TBC1D16: variants seen among roughly 807,000 people sequenced by gnomAD.
TBC1D16 encodes the protein CTD-2529O21.1.
In TBC1D16, 58 loss-of-function variants were observed where a neutral mutation model predicts 74.7. That is an observed-to-expected ratio of 0.78 (90% CI 0.63 to 0.97). The LOEUF is 0.97. Ranked by LOEUF, TBC1D16 falls within the 50% of genes least tolerant of loss-of-function variation. The pLI, the probability that TBC1D16 is intolerant of heterozygous loss-of-function variation, is 0.00. For missense variants in TBC1D16, 1,014 were observed against 1,079.5 expected, an observed-to-expected ratio of 0.94 and a Z score of 0.85; for synonymous variants, 493 against 474.7, an observed-to-expected ratio of 1.04 and a Z score of -0.50.
In TBC1D16 at chr17:79,942,205, G is replaced by A. The variant is rs368445644; in HGVS notation, c.1910C>T (p.Thr637Met). ...GCAGATGAAAAGGTGGAAGTAGTCC[G>A]TCTGTGGAGGCGGGTAGAGTTCAGA... is the stretch of plus-strand genomic sequence containing the variant. Reference protein sequence around the residue: ...IWEACWAHYQTDYFHLFICVA... With the variant: ...IWEACWAHYQMDYFHLFICVA... The change falls in exon 11 of 12, where the codon ACG (threonine) becomes ATG (methionine). Residue 637 changes from threonine to methionine, a missense_variant and splice_region_variant. Physicochemically the swap from Thr to Met is moderately conservative, Grantham distance 81. Transcript: ENST00000310924. 24 of 1,595,576 alleles carry A rather than the reference G, an allele frequency of 1.5e-5. No homozygotes were observed. Among genetic ancestry groups the A allele is most frequent in the Middle Eastern group, 1.7e-4 (1 of 6,054 alleles).
chr17:79,981,410 A>G lies in TBC1D16; in HGVS notation c.780-28592T>C, dbSNP rs2034574846. On this transcript the variant is annotated intron_variant, in intron 3 of 11. Coordinates refer to ENST00000310924, the MANE Select transcript of TBC1D16 (RefSeq NM_019020.4). The surrounding 1 kb of genome is among the most constrained non-coding windows in gnomAD (Gnocchi z 6.9). Reference sequence around the variant, plus strand: ...AGGCCTCGGGCCTCCACCTCCAGCAATCCTCTAATACCTCCTCAGAGCTTT... The same window carrying G: ...AGGCCTCGGGCCTCCACCTCCAGCAGTCCTCTAATACCTCCTCAGAGCTTT... Among the ~76,000 whole-genome samples the G allele has an allele frequency of 6.6e-6, 1 of 152,192 alleles. No individual in the cohort carries two copies. Among genetic ancestry groups the G allele is most frequent in the Admixed American group, 6.5e-5 (1 of 15,284 alleles).
At chr17:79,977,702 G>A (rs953313287) in intron 3 of TBC1D16, among the ~76,000 whole-genome samples, 20 of 152,246 alleles carry the variant, frequency 1.3e-4, no homozygotes, top group African/African-American at 4.6e-4. Flanking sequence ...ACTGAAGCAC[G>A]TCTGGCATAA....
At position 79,950,945 on chromosome 17, in the gene TBC1D16, G is replaced by A; in HGVS notation, c.1090-367C>T. The A allele has an allele frequency of 9.3e-6, 11 of 1,185,914 alleles. No individual in the cohort carries two copies. The highest frequency in any genetic ancestry group is 1.3e-5 in the Non-Finnish European group (11 of 873,108). 73.5% of individuals were successfully genotyped at this position (1,185,914 alleles called of 1,614,324 possible). On this transcript the variant is annotated intron_variant, in intron 5 of 11. Transcript: ENST00000310924. The surrounding 1 kb of genome is among the most constrained non-coding windows in gnomAD (Gnocchi z 4.6). Reference sequence around the variant, plus strand: ...ACATACAAAGGGATCGCTGTTCTGCGAGCAGGGAGCCAGCCTGTCAGATTG... The same window carrying A: ...ACATACAAAGGGATCGCTGTTCTGCAAGCAGGGAGCCAGCCTGTCAGATTG...
chr17:79,974,489 T>C (rs1184628493), intron 3 of TBC1D16, among the ~76,000 whole-genome samples: 16 of 152,152 alleles, frequency 1.1e-4, no homozygotes. Context: ...CCACCTGCCT[T>C]GGCCTCCCCA....
rs1359590929 is a variant in TBC1D16, at chr17:80,010,374, T to C, written c.565A>G (p.Thr189Ala). 1 of 1,611,976 alleles carries C rather than the reference T, an allele frequency of 6.2e-7. No homozygotes were observed. Among genetic ancestry groups the C allele is most frequent in the South Asian group, 1.1e-5 (1 of 90,822 alleles). ...TCGGTGACATCCTGCGGACTGACCG[T>C]CGACAAGATCCCGGAGGGGCTGCAA... ...PACSPSGILS[T>A]VSPQDVTEEG... Residue 189 changes from threonine (T) to alanine (A), a missense_variant, in exon 3 of 12, where the codon ACG becomes GCG. Physicochemically the swap from Thr to Ala is moderately conservative, Grantham distance 58. Transcript: ENST00000310924. This position sits in a 1 kb window ranked among gnomAD's most constrained non-coding sequence, Gnocchi z 8.8.
In TBC1D16 at chr17:79,956,732, C is replaced by A. The variant is rs2033355036; in HGVS notation, c.780-3914G>T. 6.6e-6 allele frequency among the ~76,000 whole-genome samples: 1 copy of A among 152,174 alleles called. No homozygotes were observed. The highest frequency in any genetic ancestry group is 2.4e-5 in the African/African-American group (1 of 41,440). On this transcript the variant is annotated intron_variant, in intron 3 of 11. Coordinates refer to ENST00000310924, the MANE Select transcript of TBC1D16 (RefSeq NM_019020.4). The surrounding 1 kb of genome is among the most constrained non-coding windows in gnomAD (Gnocchi z 4.0). ...CCAGATTTTAGCATTATTTAAAATA[C>A]CTAAACTGCTAAATTTCCTCTTGCT...
At chr17:79,953,434 C>T (rs2033177925) in intron 3 of TBC1D16, among the ~76,000 whole-genome samples, 1 of 152,194 alleles carries the variant, frequency 6.6e-6, no homozygotes, top group African/African-American at 2.4e-5. Flanking sequence ...TTCTCAGGTG[C>T]TTTTATTGCA....
Position 79,993,889 on chromosome 17 carries a change from T to G in TBC1D16, c.779+16271A>C, listed in dbSNP as rs545130241. Among the ~76,000 whole-genome samples the G allele has an allele frequency of 2.0e-5, 3 of 151,992 alleles. No homozygotes were observed. The highest frequency in any genetic ancestry group is 4.4e-5 in the Non-Finnish European group (3 of 67,970). ...GAGCACCAGGAGCCCCCAGCCCCCA[T>G]GCAACCACCGGCCGGGGTTGCGTCA... is the stretch of plus-strand genomic sequence containing the variant. On this transcript the variant is annotated intron_variant, in intron 3 of 11. Transcript: ENST00000310924. This position sits in a 1 kb window ranked among gnomAD's most constrained non-coding sequence, Gnocchi z 5.1.
At chr17:79,953,859 CT>C (rs1425491058) in intron 3 of TBC1D16, among the ~76,000 whole-genome samples, 3 of 151,728 alleles carry the variant, frequency 2.0e-5, no homozygotes, top group Non-Finnish European at 2.9e-5. Context: ...CCACTTCTGC[CT>C]TCCGGGTTCA....
intron 1 of TBC1D16, among the ~76,000 whole-genome samples, chr17:80,015,740 G>T (rs2036063667): frequency 6.6e-6 from 1 of 151,928 alleles, no homozygotes; most frequent in Non-Finnish European, 1.5e-5. Flanking sequence ...ACTGGGAGCG[G>T]TGGCTCACAC....
At chr17:79,984,759 T>C (rs1197217589) in intron 3 of TBC1D16, among the ~76,000 whole-genome samples, 1 of 137,708 alleles carries the variant, frequency 7.3e-6, no homozygotes, top group Non-Finnish European at 1.6e-5. Flanking sequence ...AAAACAAAAA[T>C]AGCCCCAAGC....
chr17:79,944,824 G>A lies in TBC1D16; in HGVS notation c.1908+84C>T, dbSNP rs74001791. On this transcript the variant is annotated intron_variant, in intron 10 of 11. Transcript: ENST00000310924. The surrounding 1 kb of genome is among the most constrained non-coding windows in gnomAD (Gnocchi z 7.7). ...GGCTGTGGGTGGGGGGCGGCGAGGC[G>A]GACAGGGGCAGCAGGCAGGGTGGCC... 1.6e-3 allele frequency: 1,984 copies of A among 1,278,474 alleles called. 22 individuals are homozygous for A. The African/African-American group carries it at 0.026, about 17-fold the overall frequency. 79.2% of individuals were successfully genotyped at this position (1,278,474 alleles called of 1,614,324 possible).
At chr17:80,028,508 G>A (rs2036663622) in intron 1 of TBC1D16, among the ~76,000 whole-genome samples, 1 of 151,686 alleles carries the variant, frequency 6.6e-6, no homozygotes, top group Non-Finnish European at 1.5e-5. Context: ...CAGCCTGGGT[G>A]ACAGAGCGAG....
intron 3 of TBC1D16, among the ~76,000 whole-genome samples, chr17:79,968,722 G>A (rs574382283): frequency 1.3e-5 from 2 of 151,438 alleles, no homozygotes; most frequent in South Asian, 2.1e-4. Flanking sequence ...GCATTGTGGC[G>A]GGCGCCTGTA....
chr17:79,968,850 A>G (rs2033954243), intron 3 of TBC1D16, among the ~76,000 whole-genome samples: 1 of 150,752 alleles, frequency 6.6e-6, no homozygotes, highest in African/African-American at 2.4e-5. Context: ...CTCAAAAAAA[A>G]AAAAAAAAAA....
At chr17:80,023,658 C>T (rs917254592) in intron 1 of TBC1D16, among the ~76,000 whole-genome samples, 2 of 93,376 alleles carry the variant, frequency 2.1e-5, no homozygotes, top group Non-Finnish European at 2.6e-5. Context: ...TGCTGCCGGG[C>T]CCCCCCCCAC....
At chr17:80,024,688 GACAC>G (rs1275193089) in intron 1 of TBC1D16, among the ~76,000 whole-genome samples, 1 of 1,918 alleles carries the variant, frequency 5.2e-4, no homozygotes, top group East Asian at 6.0e-3. Context: ...ACATGCCATA[GACAC>G]ACATGCCACA....
At position 80,008,587 on chromosome 17, in the gene TBC1D16, G is replaced by C. The variant is rs888842133; in HGVS notation, c.779+1573C>G. ...TGTTGGCCTGGCACCACCAGGGGGA[G>C]CTCCGACTGAGTCCGGCCTGCGGGA... On this transcript the variant is annotated intron_variant, in intron 3 of 11. Coordinates refer to ENST00000310924, the MANE Select transcript of TBC1D16 (RefSeq NM_019020.4). The surrounding 1 kb of genome is among the most constrained non-coding windows in gnomAD (Gnocchi z 4.5). Among the ~76,000 whole-genome samples, 4 of 152,120 alleles carry C rather than the reference G, an allele frequency of 2.6e-5. No homozygotes were observed. Among genetic ancestry groups the C allele is most frequent in the Non-Finnish European group, 1.5e-5 (1 of 68,024 alleles).
chr17:80,014,797 AAAG>A (rs1259650185), intron 1 of TBC1D16, among the ~76,000 whole-genome samples: 8 of 152,222 alleles, frequency 5.3e-5, no homozygotes, highest in African/African-American at 1.7e-4. Flanking sequence ...AAGAAGAAAA[AAAG>A]AAAAAAAAAA....
Sources: gnomAD v4.1 joint callset for allele counts (sites outside exome capture counted in the v4.1 genomes callset) on GRCh38, gnomAD v4.1.1 for gene constraint, Gnocchi (gnomAD v3.1) non-coding constraint, MANE v1.5 for transcripts, NCBI Gene and HGNC (gene_info 2026-07-23, HGNC 2026-07-21) for gene names.